Variants in EXOC6B observed in about 807,000 individuals in gnomAD.
EXOC6B encodes SEC15 homolog B.
In EXOC6B, 54 loss-of-function variants were observed where a neutral mutation model predicts 113.5. The observed-to-expected ratio is 0.48, with a 90% confidence interval of 0.38 to 0.60. The LOEUF is 0.60. Ranked by LOEUF, EXOC6B falls within the 20% of genes least tolerant of loss-of-function variation. The probability of loss-of-function intolerance (pLI) is 0.00; values close to 1 mark genes in which losing one functional copy is unlikely to be tolerated. For missense variants in EXOC6B, 797 were observed against 977.5 expected, an observed-to-expected ratio of 0.82 and a Z score of 2.46; for synonymous variants, 357 against 339.0, an observed-to-expected ratio of 1.05 and a Z score of -0.58.
chr2:72,264,688 G>A (rs1481698965), intron 20 of EXOC6B, among the ~76,000 whole-genome samples: 1 of 152,012 alleles, frequency 6.6e-6, no homozygotes, highest in Non-Finnish European at 1.5e-5. Flanking sequence ...CCAGGTGGAG[G>A]TAATTGAATC....
At chr2:72,399,691 A>G (rs1693011596) in intron 18 of EXOC6B, among the ~76,000 whole-genome samples, 1 of 152,160 alleles carries the variant, frequency 6.6e-6, no homozygotes, top group Non-Finnish European at 1.5e-5. Context: ...CACATTTACA[A>G]CAGCTACAAA....
intron 13 of EXOC6B, among the ~76,000 whole-genome samples, chr2:72,497,421 T>C (rs1388891985): frequency 1.3e-5 from 2 of 152,104 alleles, no homozygotes; most frequent in East Asian, 3.9e-4. Flanking sequence ...AGGTTCTCTC[T>C]CCTTAAATAA....
At chr2:72,462,211 T>A (rs1203930273) in intron 18 of EXOC6B, 1 of 152,142 alleles carries the variant, frequency 6.6e-6, no homozygotes. Flanking sequence ...AAAAATTATA[T>A]CTATGTCCCA....
intron 6 of EXOC6B, among the ~76,000 whole-genome samples, chr2:72,693,462 T>C (rs140430630): frequency 6.6e-6 from 1 of 152,194 alleles, no homozygotes; most frequent in Non-Finnish European, 1.5e-5. Flanking sequence ...TATAGCTCTT[T>C]TCTTTGCCTA....
chr2:72,466,344 CA>C (rs551509210), intron 17 of EXOC6B, among the ~76,000 whole-genome samples: 221 of 82,288 alleles, frequency 2.7e-3, no homozygotes, highest in East Asian at 4.9e-3. Context: ...GACTCCACCT[CA>C]AAAAAAAAAA....
chr2:72,631,449 TATATATATATATAG>T (rs1672426274), intron 6 of EXOC6B, among the ~76,000 whole-genome samples: 1 of 58,198 alleles, frequency 1.7e-5, no homozygotes, highest in Non-Finnish European at 3.4e-5. Flanking sequence ...TATATATATA[TATATATATATATAG>T]AGAGAGAGAG....
intron 18 of EXOC6B, among the ~76,000 whole-genome samples, chr2:72,407,193 T>C (rs1171600733): frequency 6.6e-6 from 1 of 151,984 alleles, no homozygotes; most frequent in Non-Finnish European, 1.5e-5. Context: ...AATAGACCAA[T>C]AACAGGCTCT....
chr2:72,307,785 G>A (rs566936249), intron 20 of EXOC6B, among the ~76,000 whole-genome samples: 1 of 152,130 alleles, frequency 6.6e-6, no homozygotes, highest in African/African-American at 2.4e-5. Context: ...GTTTCCCTAT[G>A]AGACTATAAA....
intron 20 of EXOC6B, among the ~76,000 whole-genome samples, chr2:72,294,136 C>A (rs1573197715): frequency 6.8e-6 from 1 of 148,086 alleles, no homozygotes; most frequent in Admixed American, 6.7e-5. Context: ...ATAATCACAA[C>A]TTCAGTAACT....
At chr2:72,439,621 T>C (rs534718293) in intron 18 of EXOC6B, among the ~76,000 whole-genome samples, 1 of 152,378 alleles carries the variant, frequency 6.6e-6, no homozygotes, top group East Asian at 1.9e-4. Flanking sequence ...GCTCCTGCAA[T>C]GTTTTATCAT....
chr2:72,659,002 C>G (rs1410054715), intron 6 of EXOC6B, among the ~76,000 whole-genome samples: 1 of 152,032 alleles, frequency 6.6e-6, no homozygotes, highest in Non-Finnish European at 1.5e-5. Context: ...TTAGTCGTAC[C>G]TCCTATCCAC....
chr2:72,747,096 G>A (rs529861144), intron 1 of EXOC6B, among the ~76,000 whole-genome samples: 104 of 152,168 alleles, frequency 6.8e-4, no homozygotes, highest in African/African-American at 2.4e-3. Flanking sequence ...ACTTCAAGAT[G>A]AGTAAGTTGC....
At chr2:72,709,264 G>A (rs370618789) in intron 6 of EXOC6B, among the ~76,000 whole-genome samples, 1 of 151,808 alleles carries the variant, frequency 6.6e-6, no homozygotes, top group African/African-American at 2.4e-5. Flanking sequence ...TATTTTGATG[G>A]GGTTTTCACG....
At chr2:72,808,168 A>G (rs1265734957) in intron 1 of EXOC6B, among the ~76,000 whole-genome samples, 1 of 152,232 alleles carries the variant, frequency 6.6e-6, no homozygotes, top group Non-Finnish European at 1.5e-5. Context: ...TCAAAAAGGA[A>G]AAAAGAACAC....
chr2:72,797,731 T>C (rs977958911), intron 1 of EXOC6B, among the ~76,000 whole-genome samples: 1 of 152,140 alleles, frequency 6.6e-6, no homozygotes, highest in Non-Finnish European at 1.5e-5. Context: ...AGGGAATCAC[T>C]TGAACCTGGG....
chr2:72,509,368 T>TCCA, intron 11 of EXOC6B, among the ~76,000 whole-genome samples: 1 of 152,322 alleles, frequency 6.6e-6, no homozygotes, highest in Middle Eastern at 3.4e-3. Flanking sequence ...GACAGTAGAT[T>TCCA]ATCACAATGA....
At chr2:72,340,450 T>C (rs1558572635) in intron 19 of EXOC6B, among the ~76,000 whole-genome samples, 1 of 152,046 alleles carries the variant, frequency 6.6e-6, no homozygotes, top group Non-Finnish European at 1.5e-5. Context: ...AATAGCAATT[T>C]TGGGAGAAAA....
chr2:72,458,778 G>C (rs1285144814), intron 18 of EXOC6B, among the ~76,000 whole-genome samples: 1 of 152,194 alleles, frequency 6.6e-6, no homozygotes, highest in Non-Finnish European at 1.5e-5. Flanking sequence ...CAAGCACCAG[G>C]TTTGATCCAC....
chr2:72,199,668 C>A (rs1463847059), intron 20 of EXOC6B, among the ~76,000 whole-genome samples: 1 of 152,144 alleles, frequency 6.6e-6, no homozygotes, highest in Non-Finnish European at 1.5e-5. Context: ...TGTCCTCATG[C>A]CAGAAACTGT....
Sources: allele counts gnomAD v4.1 joint callset (sites outside exome capture counted in the v4.1 genomes callset), GRCh38; gene constraint gnomAD v4.1.1; transcripts MANE v1.5; gene names NCBI Gene and HGNC (gene_info 2026-07-23, HGNC 2026-07-21).